EP400: variants seen among roughly 807,000 people sequenced by gnomAD.
EP400 encodes the protein E1A binding protein p400, also known as E1A-binding protein p400.
Under a neutral mutation model 354.1 loss-of-function variants are expected in EP400, and 105 were observed. The observed-to-expected ratio is 0.30, with a 90% CI of 0.25 to 0.35. EP400 has a LOEUF of 0.35. Ranked by LOEUF, EP400 falls within the 10% of genes least tolerant of loss-of-function variation. EP400 has a pLI of 1.00. For synonymous variants in EP400, 1,646 were observed against 1,716.9 expected, an observed-to-expected ratio of 0.96 and a Z score of 1.02; for missense variants, 3,280 against 4,121.0, an observed-to-expected ratio of 0.80 and a Z score of 5.59.
chr12:132,011,410 T>C, intron 15 of EP400, 88 bp from the exon 16 acceptor site: 1 of 1,516,450 alleles, frequency 6.6e-7, no homozygotes, highest in Non-Finnish European at 8.9e-7. Flanking sequence ...ATACTCATAC[T>C]GATGAAGCGT....
In EP400 at chr12:132,045,387, G is replaced by A. The variant is rs530286637; in HGVS notation, c.6853G>A (p.Ala2285Thr). ...VVPPRSLFDR[A>T]TPGLLKIRRE... ...CCCTCCTCGGTCCCTGTTTGACCGC[G>A]CAACACCAGGACTTCTGAAAATTCG... Residue 2285 changes from alanine to threonine, a missense_variant, in exon 38 of 53, where the codon GCA (alanine) becomes ACA (threonine). Physicochemically the swap from Ala to Thr is moderately conservative, Grantham distance 58. Around this residue, in one of 20 missense-constraint regions of EP400, gnomAD observed 231 missense variants for 257.9 expected, o/e 0.90. Coordinates refer to ENST00000389561, the MANE Select transcript of EP400 (RefSeq NM_015409.5). 7.4e-6 allele frequency: 12 copies of A among 1,614,206 alleles called. No homozygotes were observed. The highest frequency in any genetic ancestry group is 6.7e-5 in the African/African-American group (5 of 75,060).
intron 2 of EP400, among the ~76,000 whole-genome samples, chr12:131,978,125 A>G (rs920627172): frequency 3.9e-5 from 6 of 152,198 alleles, no homozygotes; most frequent in Admixed American, 3.9e-4. Flanking sequence ...GTCTTTGTAA[A>G]ATAACATGCC....
At position 132,043,363 on chromosome 12, in the gene EP400, G is replaced by A. The variant is rs2136575551; in HGVS notation, c.6267G>A (p.Val2089=). ...EDAQKSAQEG[V]LGPHTDALSS... ...CCCAGAAGTCCGCACAGGAGGGGGTGCTGGGACCACACACTGATGCTCTGT... is the reference window on the plus strand; with the variant it reads ...CCCAGAAGTCCGCACAGGAGGGGGTACTGGGACCACACACTGATGCTCTGT... Residue 2089 remains valine, a synonymous_variant, in exon 33 of 53, where the codon GTG becomes GTA. Coordinates refer to ENST00000389561, the MANE Select transcript of EP400 (RefSeq NM_015409.5). The A allele has an allele frequency of 6.2e-7, 1 of 1,614,124 alleles. No homozygotes were observed. The highest frequency in any genetic ancestry group is 1.1e-5 in the South Asian group (1 of 91,068).
At chr12:132,056,023 G>A (rs1350399237) in intron 45 of EP400, among the ~76,000 whole-genome samples, 2 of 151,878 alleles carry the variant, frequency 1.3e-5, no homozygotes, top group African/African-American at 4.8e-5. Flanking sequence ...GGAACGTGGA[G>A]ACCCCAGGTG....
intron 45 of EP400, 97 bp downstream of exon 45, chr12:132,055,305 T>C (rs1895448588): frequency 9.6e-7 from 1 of 1,039,146 alleles, no homozygotes; most frequent in Non-Finnish European, 1.4e-6. Flanking sequence ...AAGTATTCCA[T>C]TGGTGAAAAA....
chr12:132,045,967 T>G, intron 39 of EP400, 67 bp downstream of exon 39: 6 of 1,561,830 alleles, frequency 3.8e-6, no homozygotes, highest in Non-Finnish European at 5.2e-6. Flanking sequence ...GCCTGCAGTT[T>G]CAGCTCCAGT....
At chr12:132,024,233 C>T (rs895578967) in intron 24 of EP400, among the ~76,000 whole-genome samples, 1 of 152,122 alleles carries the variant, frequency 6.6e-6, no homozygotes, top group African/African-American at 2.4e-5. Flanking sequence ...TTTGGCCAGG[C>T]GTGGTGGTGC....
At position 132,067,949 on chromosome 12, in the gene EP400, A is replaced by T. The variant is rs6598198; in HGVS notation, c.8874+463A>T. Reference sequence around the variant, plus strand: ...CATGTTGGTGGTGAAAGGGGAGATAAACACGCCAGGGCCCGACGTGGATGG... The same window carrying T: ...CATGTTGGTGGTGAAAGGGGAGATATACACGCCAGGGCCCGACGTGGATGG... On this transcript the variant is annotated intron_variant, in intron 50 of 52. Transcript: ENST00000389561. The surrounding 1 kb of genome is among the most constrained non-coding windows in gnomAD (Gnocchi z 5.3). The T allele has an allele frequency of 0.33, 51,648 of 158,222 alleles. 11,710 individuals carry two copies. Among genetic ancestry groups the T allele is most frequent in the African/African-American group, 0.66 (27,243 of 41,538 alleles). The allele number at this position is 158,222 out of a possible 1,614,324, so 9.8% of individuals were successfully genotyped here.
Position 132,079,970 on chromosome 12 carries a change from A to C in EP400, c.*2297A>C, listed in dbSNP as rs1029362603. 9.2e-5 allele frequency: 14 copies of C among 152,236 alleles called. No homozygotes were observed. The highest frequency in any genetic ancestry group is 3.4e-4 in the African/African-American group (14 of 41,474). The allele number at this position is 152,236 out of a possible 1,614,324, so 9.4% of individuals were successfully genotyped here. On this transcript the variant is annotated 3_prime_UTR_variant, in exon 53 of 53. Coordinates refer to ENST00000389561, the MANE Select transcript of EP400 (RefSeq NM_015409.5). The stretch of plus-strand genomic sequence containing the variant: ...GTTAAAGTTTCTAACCTAAGAATTA[A>C]GTACGCGTTCAGGAAGCTGTTGTCT...
chr12:132,073,928 T>TTG (rs1565937553), intron 51 of EP400, among the ~76,000 whole-genome samples: 2 of 128,530 alleles, frequency 1.6e-5, no homozygotes, highest in African/African-American at 6.2e-5. Flanking sequence ...GGTTTTTTTT[T>TTG]TTTTTTTTTT....
At chr12:131,963,502 G>C (rs973179897) in intron 2 of EP400, 2 of 1,524,436 alleles carry the variant, frequency 1.3e-6, no homozygotes. Flanking sequence ...AAATTATGTT[G>C]CCTTTTTTTC....
rs145613641 is a variant in EP400, at chr12:132,067,423, C to T, written c.8811C>T (p.Ala2937=). The T allele has an allele frequency of 5.0e-4, 804 of 1,613,314 alleles. 1 individual carries two copies. The highest frequency in any genetic ancestry group is 5.5e-4 in the Non-Finnish European group (653 of 1,180,044). ...AGCTGCTGAAGCTGAAGCAGCAGGC[C>T]GTCCAGCAGCAGAAGGCCATCCAGC... ...MQQLLKLKQQ[A]VQQQKAIQPQ... Residue 2937 remains alanine, a synonymous_variant, in exon 50 of 53, where the codon GCC becomes GCT. Coordinates refer to ENST00000389561, the MANE Select transcript of EP400 (RefSeq NM_015409.5). This position sits in a 1 kb window ranked among gnomAD's most constrained non-coding sequence, Gnocchi z 5.3.
intron 5 of EP400, among the ~76,000 whole-genome samples, chr12:131,984,571 T>A (rs1194120497): frequency 2.0e-5 from 3 of 152,162 alleles, no homozygotes; most frequent in Non-Finnish European, 4.4e-5. Context: ...GTGGAAATGA[T>A]TCTATTTTGA....
chr12:131,966,107 C>T (rs138727377), intron 2 of EP400, among the ~76,000 whole-genome samples: 228 of 152,112 alleles, frequency 1.5e-3, no homozygotes, highest in African/African-American at 3.5e-3. Flanking sequence ...AGAACCCGTC[C>T]GGCCGGGTGC....
At chr12:132,053,062 G>A in intron 41 of EP400, 84 bp from the exon 42 acceptor site, 1 of 1,444,492 alleles carries the variant, frequency 6.9e-7, no homozygotes, top group Non-Finnish European at 9.7e-7. Context: ...CCAGCACCTG[G>A]CAGCATGGTG....
chr12:132,014,530 A>G (rs1893864256), intron 19 of EP400, among the ~76,000 whole-genome samples: 1 of 151,858 alleles, frequency 6.6e-6, no homozygotes, highest in South Asian at 2.1e-4. Context: ...CAGGCTTTCC[A>G]TTTTCCTGAG....
At chr12:132,057,212 A>G (rs918144036) in intron 45 of EP400, among the ~76,000 whole-genome samples, 3 of 152,222 alleles carry the variant, frequency 2.0e-5, no homozygotes, top group South Asian at 4.1e-4. Flanking sequence ...CTCAACACCA[A>G]TGTTTATAGT....
intron 5 of EP400, among the ~76,000 whole-genome samples, chr12:131,983,376 T>C (rs1195260680): frequency 6.6e-6 from 1 of 152,260 alleles, no homozygotes; most frequent in Non-Finnish European, 1.5e-5. Flanking sequence ...CTGATGCAGC[T>C]TGATACACAT....
chr12:131,961,868 T>C lies in EP400; in HGVS notation c.1249T>C (p.Tyr417His). ...KKKHYAPLQAYLRQNDLDIEE... is the reference protein window; with the variant it reads ...KKKHYAPLQAHLRQNDLDIEE... ...GAAACATTATGCCCCATTACAAGCATATCTTAGGCAGAATGATTTGGACAT... is the reference window on the plus strand; with the variant it reads ...GAAACATTATGCCCCATTACAAGCACATCTTAGGCAGAATGATTTGGACAT... The change falls in exon 2 of 53, where the codon TAT becomes CAT. Residue 417 changes from tyrosine (Y) to histidine (H), a missense_variant. Physicochemically the swap from Tyr to His is moderately conservative, Grantham distance 83. Around this residue, in one of 20 missense-constraint regions of EP400, gnomAD observed 800 missense variants for 840.0 expected, o/e 0.95. Transcript: ENST00000389561. The C allele has an allele frequency of 6.2e-7, 1 of 1,614,102 alleles. No homozygotes were observed. Among genetic ancestry groups the C allele is most frequent in the Non-Finnish European group, 8.5e-7 (1 of 1,180,024 alleles).
Sources: gnomAD v4.1 joint callset for allele counts (sites outside exome capture counted in the v4.1 genomes callset) on GRCh38, gnomAD v4.1.1 for gene constraint, gnomAD v4.1.1 regional missense constraint, Gnocchi (gnomAD v3.1) non-coding constraint, MANE v1.5 for transcripts, NCBI Gene and HGNC (gene_info 2026-07-23, HGNC 2026-07-21) for gene names.